Variants in RASL12 observed in about 807,000 individuals in gnomAD.
RASL12 encodes ras-like protein family member 12.
A neutral mutation model predicts 22.9 loss-of-function variants in RASL12; 16 were observed. That is an observed-to-expected ratio of 0.70 (90% CI 0.47 to 1.06). The LOEUF (loss-of-function observed/expected upper bound fraction) is 1.06. RASL12 is among the 50% of genes least tolerant of loss of function. The pLI is 0.00. For synonymous variants in RASL12, 159 were observed against 152.2 expected, an observed-to-expected ratio of 1.04 and a Z score of -0.33; for missense variants, 306 against 353.1, an observed-to-expected ratio of 0.87 and a Z score of 1.07.
At chr15:65,052,156 G>A (rs2086662176), downstream of RASL12, among the ~76,000 whole-genome samples, 1 of 152,294 alleles carries the variant, frequency 6.6e-6, no homozygotes, top group African/African-American at 2.4e-5. Context: ...ATGTGTACAC[G>A]ATGGGGTTTT....
At chr15:65,076,423 G>A in intron 1 of RASL12, 1 of 537,122 alleles carries the variant, frequency 1.9e-6, no homozygotes, top group South Asian at 2.6e-5. Context: ...CTTCACTCCT[G>A]AGCCAGCGAG....
chr15:65,062,491 T>C (rs1454545785), intron 2 of RASL12, among the ~76,000 whole-genome samples: 1 of 152,228 alleles, frequency 6.6e-6, no homozygotes, highest in Admixed American at 6.5e-5. Flanking sequence ...AGGGTCTCCA[T>C]AATCTTAAGG....
chr15:65,050,836 C>CTTTTTTTTTTTTTTTTTTTCT (rs57404080), downstream of RASL12, among the ~76,000 whole-genome samples: 1 of 95,650 alleles, frequency 1.0e-5, no homozygotes, highest in Non-Finnish European at 1.9e-5. Flanking sequence ...TCTTCTTCTT[C>CTTTTTTTTTTTTTTTTTTTCT]TTTTTTTTTT....
intron 1 of RASL12, among the ~76,000 whole-genome samples, chr15:65,074,889 C>T (rs570936432): frequency 1.2e-4 from 19 of 152,350 alleles, no homozygotes; most frequent in Admixed American, 7.8e-4. Context: ...CGCTTGCTCT[C>T]GGCACCTCCT....
At chr15:65,050,131 G>A (rs1468473041), downstream of RASL12, 9 of 1,528,294 alleles carry the variant, frequency 5.9e-6, no homozygotes, top group East Asian at 1.7e-4. Context: ...CGGCAGGGGT[G>A]GGGGTGTGCC....
intron 4 of RASL12, among the ~76,000 whole-genome samples, chr15:65,056,360 C>T (rs901262583): frequency 2.0e-5 from 3 of 152,094 alleles, no homozygotes; most frequent in African/African-American, 4.8e-5. Context: ...GTGAGGCACG[C>T]GGTCTCAGAG....
downstream of RASL12, among the ~76,000 whole-genome samples, chr15:65,048,618 CT>C (rs1267856991): frequency 1.3e-5 from 2 of 152,222 alleles, no homozygotes; most frequent in Non-Finnish European, 2.9e-5. Context: ...AAACACTTCT[CT>C]TGTTTTATTT....
chr15:65,071,922 T>C (rs1020374365), upstream of RASL12, among the ~76,000 whole-genome samples: 4 of 152,170 alleles, frequency 2.6e-5, no homozygotes, highest in Non-Finnish European at 4.4e-5. Flanking sequence ...CAGGGTTCGA[T>C]TGAGCCTCAC....
chr15:65,057,699 C>T (rs1201350654), intron 4 of RASL12, among the ~76,000 whole-genome samples: 5 of 152,078 alleles, frequency 3.3e-5, no homozygotes, highest in Admixed American at 2.6e-4. Context: ...AGGTGAGAGC[C>T]GATTGGACCA....
At chr15:65,060,422 T>C (rs1269087002) in intron 2 of RASL12, among the ~76,000 whole-genome samples, 1 of 152,230 alleles carries the variant, frequency 6.6e-6, no homozygotes, top group Admixed American at 6.5e-5. Context: ...CATAGCCCAA[T>C]GAGCAAAAAG....
intron 2 of RASL12, among the ~76,000 whole-genome samples, chr15:65,063,879 G>A (rs949772994): frequency 2.6e-5 from 4 of 152,206 alleles, no homozygotes; most frequent in African/African-American, 4.8e-5. Context: ...CGGCAGGAGC[G>A]CTGGATCAGG....
At chr15:65,056,753 A>T (rs977798374) in intron 4 of RASL12, among the ~76,000 whole-genome samples, 3 of 152,204 alleles carry the variant, frequency 2.0e-5, no homozygotes, top group Non-Finnish European at 4.4e-5. Flanking sequence ...ATGCTCAGCT[A>T]AAAGTTAGAC....
intron 2 of RASL12, among the ~76,000 whole-genome samples, chr15:65,064,515 A>G (rs1337096643): frequency 6.6e-6 from 1 of 152,198 alleles, no homozygotes; most frequent in Non-Finnish European, 1.5e-5. Flanking sequence ...CAGCACCACT[A>G]GAGAATTTCT....
upstream of RASL12, among the ~76,000 whole-genome samples, chr15:65,070,200 G>T (rs2086921927): frequency 6.6e-6 from 1 of 152,236 alleles, no homozygotes; most frequent in South Asian, 2.1e-4. Context: ...CCCAGGAGAT[G>T]GAGGCTGCAA....
In RASL12 at chr15:65,054,974, G is replaced by A. The variant is rs143172698; in HGVS notation, c.726C>T (p.Thr242=). ...MPTVAQAKLV[T]VKSSRAQSKR... ...TGCTCTGGGCCCGGGATGACTTCAC[G>A]GTGACCAGCTTGGCCTGGGCCACAG... The change falls in exon 5 of 5, where the codon ACC becomes ACT. Residue 242 remains threonine (T), a synonymous_variant. Coordinates refer to ENST00000220062, the MANE Select transcript of RASL12 (RefSeq NM_016563.4). 229 of 1,614,190 alleles carry A rather than the reference G, an allele frequency of 1.4e-4. No homozygotes were observed. In the African/African-American group the frequency reaches 2.2e-3, roughly 16 times the overall value.
At chr15:65,074,643 A>G (rs2140540071) in intron 1 of RASL12, among the ~76,000 whole-genome samples, 1 of 152,204 alleles carries the variant, frequency 6.6e-6, no homozygotes, top group Non-Finnish European at 1.5e-5. Context: ...GTGATCAACC[A>G]TTCTCGGCCC....
chr15:65,053,174 A>T, downstream of RASL12: 1 of 1,613,476 alleles, frequency 6.2e-7, no homozygotes, highest in Non-Finnish European at 8.5e-7. Flanking sequence ...GTGAGGGTTC[A>T]GAGAAGCCCC....
rs186221122 is a variant in RASL12, at chr15:65,065,318, C to G, written c.104-45G>C. ...GTTGGCTCCATCTCCGCGGCCATGT[C>G]TAGCTGCTGGCCCCTCGTTTAAGGG... is the stretch of plus-strand genomic sequence containing the variant. On this transcript the variant is annotated intron_variant, in intron 1 of 4. Coordinates refer to ENST00000220062, the MANE Select transcript of RASL12 (RefSeq NM_016563.4). 8.8e-5 allele frequency: 139 copies of G among 1,579,832 alleles called. No homozygotes were observed. In the African/African-American group the frequency reaches 1.7e-3, roughly 19 times the overall value.
chr15:65,056,847 T>C (rs1420050456), intron 4 of RASL12, among the ~76,000 whole-genome samples: 1 of 152,202 alleles, frequency 6.6e-6, no homozygotes, highest in African/African-American at 2.4e-5. Context: ...CTGAGTTGTT[T>C]TTAGGGAACG....
Sources: allele counts gnomAD v4.1 joint callset (sites outside exome capture counted in the v4.1 genomes callset), GRCh38; gene constraint gnomAD v4.1.1; transcripts MANE v1.5; gene names NCBI Gene and HGNC (gene_info 2026-07-23, HGNC 2026-07-21).